Variants in RSU1 observed in about 807,000 individuals in gnomAD.
RSU1 encodes rsu-1.
Under a neutral mutation model 31.1 loss-of-function variants are expected in RSU1, and 26 were observed. That is an observed-to-expected ratio of 0.84 (90% CI 0.61 to 1.16). RSU1 has a LOEUF of 1.16. Among genes scored for constraint, RSU1 ranks in the 50% most tolerant of loss-of-function variants. The probability of loss-of-function intolerance (pLI) is 0.00; values close to 1 mark genes in which losing one functional copy is unlikely to be tolerated. For missense variants in RSU1, 320 were observed against 339.1 expected (o/e 0.94, Z 0.44); for synonymous variants, 164 against 136.3 (o/e 1.20, Z -1.41).
At chr10:16,720,481 G>A (rs1836230968) in intron 7 of RSU1, among the ~76,000 whole-genome samples, 1 of 152,160 alleles carries the variant, frequency 6.6e-6, no homozygotes, top group Admixed American at 6.5e-5. Flanking sequence ...AAAACAACAT[G>A]TATAATATTA....
intron 7 of RSU1, among the ~76,000 whole-genome samples, chr10:16,712,073 T>A (rs1421641921): frequency 6.6e-6 from 1 of 152,214 alleles, no homozygotes; most frequent in Non-Finnish European, 1.5e-5. Flanking sequence ...TATCCTTTAA[T>A]CATGACATAA....
intron 3 of RSU1, 33 bp downstream of exon 3, chr10:16,782,001 C>A: frequency 6.3e-7 from 1 of 1,596,950 alleles, no homozygotes; most frequent in South Asian, 1.1e-5. Context: ...ACCTAAATGT[C>A]AGAAACTGTA....
intron 4 of RSU1, among the ~76,000 whole-genome samples, chr10:16,757,951 AG>A (rs1365684681): frequency 6.6e-6 from 1 of 152,224 alleles, no homozygotes; most frequent in African/African-American, 2.4e-5. Context: ...TAGAGGGAAG[AG>A]GCATCTCACC....
chr10:16,604,545 G>A (rs1394322671), intron 8 of RSU1, among the ~76,000 whole-genome samples: 2 of 151,826 alleles, frequency 1.3e-5, no homozygotes, highest in East Asian at 1.9e-4. Flanking sequence ...ACCTTCTGCC[G>A]CGACCCTCCA....
At chr10:16,600,436 C>T (rs1294435278) in intron 8 of RSU1, among the ~76,000 whole-genome samples, 1 of 152,068 alleles carries the variant, frequency 6.6e-6, no homozygotes, top group Non-Finnish European at 1.5e-5. Flanking sequence ...ACCACTACCG[C>T]CTGGACAGCT....
chr10:16,794,440 C>T (rs1439441486), intron 2 of RSU1, among the ~76,000 whole-genome samples: 1 of 152,196 alleles, frequency 6.6e-6, no homozygotes, highest in Non-Finnish European at 1.5e-5. Context: ...TACCTTCCTC[C>T]TCTGTCTCTT....
chr10:16,774,458 T>A (rs1837488160), intron 3 of RSU1, among the ~76,000 whole-genome samples: 1 of 152,098 alleles, frequency 6.6e-6, no homozygotes. Flanking sequence ...TAGTCCCAGC[T>A]ACTAGGGAGG....
Position 16,712,529 on chromosome 10 carries a change from A to G in RSU1, c.599-17374T>C, listed in dbSNP as rs146986985. Reference sequence around the variant, plus strand: ...TCTTTGTGGTTACCATGGGGCTAACATAAGAGTCTTGTAGTTACAATAGAC... The same window carrying G: ...TCTTTGTGGTTACCATGGGGCTAACGTAAGAGTCTTGTAGTTACAATAGAC... On this transcript the variant is annotated intron_variant, in intron 7 of 8. Transcript: ENST00000345264. 5.1e-3 allele frequency among the ~76,000 whole-genome samples: 781 copies of G among 152,292 alleles called. 28 individuals carry two copies. Among genetic ancestry groups the G allele is most frequent in the Admixed American group, 0.047 (718 of 15,286 alleles).
intron 3 of RSU1, among the ~76,000 whole-genome samples, chr10:16,775,061 A>G (rs1837498833): frequency 6.6e-6 from 1 of 152,164 alleles, no homozygotes; most frequent in Admixed American, 6.5e-5. Flanking sequence ...AACATAAAAA[A>G]AGAGAAGAGA....
In RSU1 at chr10:16,770,957, TAAAAAAA is replaced by T. The variant is rs10547207; in HGVS notation, c.161-6454_161-6448del. On this transcript the variant is annotated intron_variant, in intron 3 of 8. Coordinates refer to ENST00000345264, the MANE Select transcript of RSU1 (RefSeq NM_012425.4). ...TCTAAAAACCTGACATATTGCTATT[TAAAAAAA>T]AAAAAAAAAAAAAAAAGGAAGTTTT... Among the ~76,000 whole-genome samples the T allele has an allele frequency of 5.0e-3, 597 of 120,088 alleles. 2 individuals carry two copies. Among genetic ancestry groups the T allele is most frequent in the Non-Finnish European group, 6.5e-3 (374 of 57,146 alleles). The allele number at this position is 120,088 out of a possible 152,430, so 78.8% of individuals were successfully genotyped here. A position where few individuals can be genotyped will look rare whatever the true frequency, so the allele number is the denominator to read the frequency against.
chr10:16,626,435 G>C (rs1834159811), intron 8 of RSU1, among the ~76,000 whole-genome samples: 1 of 152,070 alleles, frequency 6.6e-6, no homozygotes, highest in African/African-American at 2.4e-5. Context: ...CAAAGTGCTG[G>C]GATTATGGGA....
chr10:16,730,284 T>C (rs1357908002), intron 7 of RSU1, among the ~76,000 whole-genome samples: 1 of 152,136 alleles, frequency 6.6e-6, no homozygotes, highest in African/African-American at 2.4e-5. Context: ...GCACTGGGGA[T>C]CAAATTTCAA....
intron 3 of RSU1, among the ~76,000 whole-genome samples, chr10:16,769,784 T>C (rs1242522104): frequency 2.0e-5 from 3 of 152,164 alleles, no homozygotes; most frequent in Non-Finnish European, 4.4e-5. Context: ...ATCAATCTGA[T>C]CCAAATAAAG....
chr10:16,800,958 A>G (rs1284420383), intron 2 of RSU1, among the ~76,000 whole-genome samples: 14 of 121,704 alleles, frequency 1.2e-4, no homozygotes, highest in Admixed American at 3.1e-4. Flanking sequence ...AAAAGAGCAG[A>G]AGACAAAAAA....
Position 16,753,038 on chromosome 10 carries a change from G to C in RSU1, c.401-38C>G, listed in dbSNP as rs372021170. The stretch of plus-strand genomic sequence containing the variant: ...CAGCAATATATAAACAGGGTGGCAT[G>C]GAACACAACCATTTGAGGTCTGATC... On this transcript the variant is annotated intron_variant, in intron 5 of 8. Coordinates refer to ENST00000345264, the MANE Select transcript of RSU1 (RefSeq NM_012425.4). 6.2e-4 allele frequency: 943 copies of C among 1,516,340 alleles called. 8 individuals are homozygous for C. Among genetic ancestry groups the C allele is most frequent in the Admixed American group, 3.2e-4 (19 of 59,738 alleles). 93.9% of individuals were successfully genotyped at this position (1,516,340 alleles called of 1,614,324 possible). A position where few individuals can be genotyped will look rare whatever the true frequency, so the allele number is the denominator to read the frequency against.
chr10:16,706,653 C>A (rs1005160514), intron 7 of RSU1, among the ~76,000 whole-genome samples: 8 of 152,152 alleles, frequency 5.3e-5, no homozygotes, highest in Non-Finnish European at 8.8e-5. Context: ...TGTTTTGATA[C>A]CTATCTATGC....
At chr10:16,637,883 C>G (rs183253964) in intron 8 of RSU1, among the ~76,000 whole-genome samples, 2 of 151,180 alleles carry the variant, frequency 1.3e-5, no homozygotes, top group Non-Finnish European at 2.9e-5. Flanking sequence ...AATAAAGGAA[C>G]ACAAAGAACA....
intron 2 of RSU1, among the ~76,000 whole-genome samples, chr10:16,800,246 A>G (rs1258760579): frequency 6.6e-6 from 1 of 152,230 alleles, no homozygotes; most frequent in East Asian, 1.9e-4. Context: ...ATCAAGCAAA[A>G]GAAGCACACT....
Position 16,691,325 on chromosome 10 carries a change from T to C in RSU1, c.731+3698A>G, listed in dbSNP as rs559390213. Among the ~76,000 whole-genome samples the C allele has an allele frequency of 5.3e-5, 8 of 151,812 alleles. No individual in the cohort carries two copies. In the South Asian group the frequency reaches 1.7e-3, roughly 32 times the overall value. On this transcript the variant is annotated intron_variant, in intron 8 of 8. Coordinates refer to ENST00000345264, the MANE Select transcript of RSU1 (RefSeq NM_012425.4). ...ATTCATATAAAGGAGGCCCTTAATT[T>C]TGAAAATCAGTTTGTGTTAATCTGG...
Sources: gnomAD v4.1 joint callset for allele counts (sites outside exome capture counted in the v4.1 genomes callset) on GRCh38, gnomAD v4.1.1 for gene constraint, MANE v1.5 for transcripts, NCBI Gene and HGNC (gene_info 2026-07-23, HGNC 2026-07-21) for gene names.